The following RORA variants were observed in gnomAD, a reference collection of about 807,000 sequenced individuals.
RORA encodes the protein nuclear receptor ROR-alpha.
RORA carries 7 observed loss-of-function variants against 69.5 expected under a neutral mutation model. That is an observed-to-expected ratio of 0.10 (90% CI 0.06 to 0.19). RORA has a LOEUF of 0.19. Ranked by LOEUF, RORA falls within the 10% of genes least tolerant of loss-of-function variation. The pLI, the probability that RORA is intolerant of heterozygous loss-of-function variation, is 1.00. For synonymous variants in RORA, 261 were observed against 240.8 expected (o/e 1.08, Z -0.78); for missense variants, 457 against 663.0 (o/e 0.69, Z 3.41).
intron 1 of RORA, among the ~76,000 whole-genome samples, chr15:61,057,949 G>A (rs1235199087): frequency 6.6e-6 from 1 of 152,230 alleles, no homozygotes; most frequent in Admixed American, 6.5e-5. Context: ...AGGAGATTCA[G>A]CAAAAGATCC....
chr15:61,124,279 A>AC (rs1451711610), intron 1 of RORA, among the ~76,000 whole-genome samples: 5 of 152,370 alleles, frequency 3.3e-5, no homozygotes, highest in African/African-American at 1.2e-4. Flanking sequence ...TAGTGGGTAC[A>AC]GCTTATAATA....
intron 1 of RORA, among the ~76,000 whole-genome samples, chr15:61,090,890 G>A (rs1279961860): frequency 6.6e-6 from 1 of 151,364 alleles, no homozygotes; most frequent in African/African-American, 2.4e-5. Context: ...CTCGACACAC[G>A]CAGTCATTTA....
chr15:61,098,073 C>T (rs1199811878), intron 1 of RORA, among the ~76,000 whole-genome samples: 1 of 150,724 alleles, frequency 6.6e-6, no homozygotes, highest in Non-Finnish European at 1.5e-5. Flanking sequence ...TCCTTCCTTC[C>T]TTCCCTCCTT....
At chr15:60,979,192 C>G (rs1055083755) in intron 1 of RORA, among the ~76,000 whole-genome samples, 20 of 151,164 alleles carry the variant, frequency 1.3e-4, no homozygotes, top group Non-Finnish European at 2.7e-4. Flanking sequence ...TCTTCATCTC[C>G]TGACCTCGTG....
intron 1 of RORA, among the ~76,000 whole-genome samples, chr15:61,162,728 A>C (rs1348519566): frequency 6.6e-6 from 1 of 152,200 alleles, no homozygotes. Flanking sequence ...AAGAGCCGAG[A>C]CCATAAATGA....
intron 1 of RORA, among the ~76,000 whole-genome samples, chr15:60,736,320 G>A (rs2071499188): frequency 6.6e-6 from 1 of 152,154 alleles, no homozygotes; most frequent in Non-Finnish European, 1.5e-5. Flanking sequence ...CGGGAAGTCA[G>A]AGTTATTAAG....
intron 2 of RORA, among the ~76,000 whole-genome samples, chr15:60,651,210 C>T (rs28406121): frequency 6.6e-6 from 1 of 152,152 alleles, no homozygotes; most frequent in African/African-American, 2.4e-5. Flanking sequence ...TTCTCTTAAA[C>T]GTACATGTCA....
chr15:60,656,416 CAT>C (rs1204931168), intron 2 of RORA, among the ~76,000 whole-genome samples: 1 of 152,156 alleles, frequency 6.6e-6, no homozygotes, highest in Non-Finnish European at 1.5e-5. Context: ...GGAGATAACA[CAT>C]GTATATAAAA....
intron 1 of RORA, among the ~76,000 whole-genome samples, chr15:61,021,965 T>C (rs1659374261): frequency 6.6e-6 from 1 of 152,194 alleles, no homozygotes; most frequent in Admixed American, 6.5e-5. Flanking sequence ...TATGGTGCTC[T>C]GCTCAGAATA....
intron 1 of RORA, among the ~76,000 whole-genome samples, chr15:61,025,898 G>T (rs903478915): frequency 6.6e-6 from 1 of 152,168 alleles, no homozygotes; most frequent in African/African-American, 2.4e-5. Flanking sequence ...TCCTAGCCAT[G>T]TATTTGAATT....
chr15:60,784,455 C>T (rs1335396495), intron 1 of RORA, among the ~76,000 whole-genome samples: 1 of 152,336 alleles, frequency 6.6e-6, no homozygotes, highest in African/African-American at 2.4e-5. Flanking sequence ...AACTGTGCTG[C>T]ACAACCATTA....
At chr15:60,642,966 G>A (rs926219635) in intron 2 of RORA, among the ~76,000 whole-genome samples, 1 of 152,122 alleles carries the variant, frequency 6.6e-6, no homozygotes, top group African/African-American at 2.4e-5. Flanking sequence ...AGACCAGCCT[G>A]AGCAACATGG....
rs535010559 is a variant in RORA, at chr15:60,541,850, AC to A, written c.197-10000del. On this transcript the variant is annotated intron_variant, in intron 2 of 10. Transcript: ENST00000335670. ...CATGCACTAGAGGCAAAGTAAGAAC[AC>A]AACAGCCATGTAAAGATATCAAAAC... 2.9e-3 allele frequency among the ~76,000 whole-genome samples: 440 copies of A among 152,350 alleles called. 1 individual carries two copies. The highest frequency in any genetic ancestry group is 4.4e-3 in the Non-Finnish European group (296 of 68,038).
At chr15:60,849,769 T>A (rs1182470125) in intron 1 of RORA, among the ~76,000 whole-genome samples, 1 of 152,168 alleles carries the variant, frequency 6.6e-6, no homozygotes, top group Admixed American at 6.5e-5. Context: ...GGAAGAAACA[T>A]GTACACAAGG....
intron 1 of RORA, among the ~76,000 whole-genome samples, chr15:61,157,759 G>C (rs993415322): frequency 1.3e-5 from 2 of 152,144 alleles, no homozygotes; most frequent in East Asian, 1.9e-4. Flanking sequence ...CCCTAGTTTC[G>C]TGACTGCCAC....
intron 1 of RORA, among the ~76,000 whole-genome samples, chr15:60,950,257 C>T (rs924738800): frequency 1.3e-4 from 19 of 148,154 alleles, no homozygotes; most frequent in African/African-American, 4.5e-4. Context: ...TTGTCACCAC[C>T]AGGCCTGCCC....
At chr15:60,746,180 C>A (rs965507686) in intron 1 of RORA, among the ~76,000 whole-genome samples, 1 of 152,262 alleles carries the variant, frequency 6.6e-6, no homozygotes, top group South Asian at 2.1e-4. Flanking sequence ...ATCCAAAAGT[C>A]AGAGTTGAAA....
intron 2 of RORA, 46 bp downstream of exon 2, chr15:60,678,611 C>T (rs2070590295): frequency 6.8e-7 from 1 of 1,468,164 alleles, no homozygotes; most frequent in Non-Finnish European, 9.5e-7. Context: ...TATGCGAATT[C>T]CAACTCTTCA....
chr15:61,036,534 G>C (rs1438688224), intron 1 of RORA, among the ~76,000 whole-genome samples: 1 of 152,122 alleles, frequency 6.6e-6, no homozygotes, highest in Non-Finnish European at 1.5e-5. Flanking sequence ...TAACACCACT[G>C]ACTGGGCCCT....
Sources: gnomAD v4.1 joint callset for allele counts (sites outside exome capture counted in the v4.1 genomes callset) on GRCh38, gnomAD v4.1.1 for gene constraint, MANE v1.5 for transcripts, NCBI Gene and HGNC (gene_info 2026-07-23, HGNC 2026-07-21) for gene names.